FBXO25: variants seen among roughly 807,000 people sequenced by gnomAD.
FBXO25 encodes F-box protein 25, also known as F-box only protein 25.
Under a neutral mutation model 51.9 loss-of-function variants are expected in FBXO25, and 45 were observed. That is an observed-to-expected ratio of 0.87 (90% CI 0.68 to 1.11). The LOEUF (loss-of-function observed/expected upper bound fraction) is 1.11. Ranked by LOEUF, FBXO25 falls within the 50% of genes most tolerant of loss-of-function variation. The pLI, the probability that FBXO25 is intolerant of heterozygous loss-of-function variation, is 0.00. For synonymous variants in FBXO25, 199 were observed against 151.0 expected, an observed-to-expected ratio of 1.32 and a Z score of -2.33; for missense variants, 507 against 428.5, an observed-to-expected ratio of 1.18 and a Z score of -1.62.
In FBXO25 at chr8:474,874, T is replaced by C. The variant is rs562693353; in HGVS notation, c.*6070T>C. The C allele has an allele frequency of 6.6e-6, 3 of 455,938 alleles. No homozygotes were observed. The highest frequency in any genetic ancestry group is 4.7e-5 in the Admixed American group (2 of 42,536). The allele number at this position is 455,938 out of a possible 1,614,324, so 28.2% of individuals were successfully genotyped here. Reference sequence around the variant, plus strand: ...ACCTGTGTGTGCCTCTGGTGTCATATCTAAGAAATCACTGCCTCACCCTTT... The same window carrying C: ...ACCTGTGTGTGCCTCTGGTGTCATACCTAAGAAATCACTGCCTCACCCTTT... On this transcript the variant is annotated 3_prime_UTR_variant, in exon 10 of 10. Coordinates refer to ENST00000350302, the MANE Select transcript of FBXO25 (RefSeq NM_183420.2).
chr8:440,379 T>A (rs1259552531), intron 5 of FBXO25, among the ~76,000 whole-genome samples: 1 of 152,222 alleles, frequency 6.6e-6, no homozygotes, highest in East Asian at 1.9e-4. Flanking sequence ...GGAGATCCAT[T>A]TATGACCCAA....
intron 5 of FBXO25, among the ~76,000 whole-genome samples, 187 bp from the exon 6 acceptor site, chr8:449,803 T>A (rs1798965571): frequency 6.6e-6 from 1 of 152,200 alleles, no homozygotes; most frequent in Middle Eastern, 3.2e-3. Context: ...CTCAGCTCCC[T>A]TGTATGAAGG....
chr8:458,963 G>A (rs968614740), intron 8 of FBXO25, among the ~76,000 whole-genome samples: 3 of 152,092 alleles, frequency 2.0e-5, no homozygotes, highest in Admixed American at 6.6e-5. Flanking sequence ...GGTAGATGCC[G>A]CTCCTGAGTG....
intron 7 of FBXO25, among the ~76,000 whole-genome samples, chr8:457,757 G>T (rs981072373): frequency 6.6e-6 from 1 of 152,198 alleles, no homozygotes; most frequent in Non-Finnish European, 1.5e-5. Flanking sequence ...GGTTCATAAC[G>T]CATACAAGCA....
chr8:432,987 A>G (rs1041367397), intron 4 of FBXO25, 52 bp downstream of exon 4: 5 of 1,485,856 alleles, frequency 3.4e-6, no homozygotes, highest in Admixed American at 5.3e-5. Flanking sequence ...TCTGTTGAAT[A>G]TGGAGTCACA....
chr8:417,858 A>G (rs1006841687), intron 2 of FBXO25, among the ~76,000 whole-genome samples: 1 of 152,148 alleles, frequency 6.6e-6, no homozygotes, highest in Non-Finnish European at 1.5e-5. Flanking sequence ...CATTATTTCT[A>G]GTGGTATAGC....
intron 2 of FBXO25, among the ~76,000 whole-genome samples, chr8:426,055 G>C (rs983273361): frequency 5.9e-5 from 9 of 152,280 alleles, no homozygotes; most frequent in Middle Eastern, 6.8e-3. Context: ...AACACTGGTG[G>C]TTGTTCTTTG....
At chr8:412,865 G>T (rs185683625) in intron 1 of FBXO25, among the ~76,000 whole-genome samples, 1 of 152,148 alleles carries the variant, frequency 6.6e-6, no homozygotes, top group African/African-American at 2.4e-5. Context: ...TATTAGGCCA[G>T]TAAAACCACG....
intron 7 of FBXO25, among the ~76,000 whole-genome samples, chr8:457,349 A>C (rs1364442987): frequency 1.3e-5 from 2 of 152,206 alleles, no homozygotes; most frequent in Non-Finnish European, 2.9e-5. Flanking sequence ...TCTCAGGTCA[A>C]CCTCAGAGCA....
chr8:453,180 T>C (rs994733169), intron 7 of FBXO25, among the ~76,000 whole-genome samples: 2 of 152,216 alleles, frequency 1.3e-5, no homozygotes. Context: ...ATGAAATTAA[T>C]GTTTAATCTT....
intron 7 of FBXO25, among the ~76,000 whole-genome samples, chr8:451,983 C>T (rs1430732639): frequency 6.6e-6 from 1 of 152,064 alleles, no homozygotes; most frequent in African/African-American, 2.4e-5. Flanking sequence ...CACCATTGCC[C>T]CGAGTATTTA....
At chr8:431,609 A>G (rs1454217139) in intron 3 of FBXO25, among the ~76,000 whole-genome samples, 165 bp downstream of exon 3, 1 of 152,224 alleles carries the variant, frequency 6.6e-6, no homozygotes, top group African/African-American at 2.4e-5. Flanking sequence ...TTGCAGCTCA[A>G]CCGTTTCAGT....
chr8:425,560 A>T (rs1043159170), intron 2 of FBXO25, among the ~76,000 whole-genome samples: 4 of 151,390 alleles, frequency 2.6e-5, no homozygotes, highest in African/African-American at 9.7e-5. Flanking sequence ...TGGTTCACTT[A>T]TTCTTTTTCT....
At chr8:457,135 C>A (rs766044182) in intron 7 of FBXO25, among the ~76,000 whole-genome samples, 1 of 152,188 alleles carries the variant, frequency 6.6e-6, no homozygotes, top group Non-Finnish European at 1.5e-5. Context: ...AAATCAGAAG[C>A]TCGCAGGTGA....
At chr8:466,857 G>A (rs575736200) in intron 9 of FBXO25, among the ~76,000 whole-genome samples, 2 of 152,286 alleles carry the variant, frequency 1.3e-5, no homozygotes, top group South Asian at 2.1e-4. Context: ...ATGGCCCTGC[G>A]AGGGTCCACT....
Position 451,411 on chromosome 8 carries a change from T to C in FBXO25, c.618T>C (p.Ile206=). ...INIWICRLET[I]LAWQQQLQDL... ...TTTGGATTTGCCGATTAGAAACTAT[T>C]CTCGCCTGGCAACAACAGCTACAGG... The change falls in exon 7 of 10, where the codon ATT becomes ATC. Residue 206 remains isoleucine (I), a synonymous_variant. Transcript: ENST00000350302. 1.2e-6 allele frequency: 2 copies of C among 1,613,954 alleles called. No individual in the cohort carries two copies. Among genetic ancestry groups the C allele is most frequent in the Non-Finnish European group, 1.7e-6 (2 of 1,179,958 alleles).
rs559946715 is a variant in FBXO25 at position 476,810 on chromosome 8, T to A, written c.*8006T>A. On this transcript the variant is annotated 3_prime_UTR_variant, in exon 10 of 10. Coordinates refer to ENST00000350302, the MANE Select transcript of FBXO25 (RefSeq NM_183420.2). The stretch of plus-strand genomic sequence containing the variant: ...TCTCTATTTTGTCTCTGCTCTAATC[T>A]TTATTATTATTATAATCATCTCCAT... The A allele has an allele frequency of 7.0e-6, 1 of 143,180 alleles. No homozygotes were observed. The highest frequency in any genetic ancestry group is 2.9e-5 in the African/African-American group (1 of 34,980). 8.9% of individuals were successfully genotyped at this position (143,180 alleles called of 1,614,324 possible).
chr8:468,640 C>A, intron 9 of FBXO25, 75 bp from the exon 10 acceptor site: 1 of 1,131,384 alleles, frequency 8.8e-7, no homozygotes. Context: ...AAGCAGCTGA[C>A]GACCCCTCAA....
At chr8:429,181 C>T (rs1213947992) in intron 2 of FBXO25, among the ~76,000 whole-genome samples, 2 of 152,098 alleles carry the variant, frequency 1.3e-5, no homozygotes, top group Non-Finnish European at 2.9e-5. Flanking sequence ...GATCCAGTTT[C>T]CCCACATGCA....
Sources: allele counts gnomAD v4.1 joint callset (sites outside exome capture counted in the v4.1 genomes callset), GRCh38; gene constraint gnomAD v4.1.1; transcripts MANE v1.5; gene names NCBI Gene and HGNC (gene_info 2026-07-23, HGNC 2026-07-21).